Variants in THSD7B observed in about 807,000 individuals in gnomAD.
THSD7B encodes the protein thrombospondin type-1 domain-containing protein 7B.
A neutral mutation model predicts 213.6 loss-of-function variants in THSD7B; 138 were observed. The ratio of observed to expected loss-of-function variants is 0.65; its 90% CI spans 0.56 to 0.74. The LOEUF (loss-of-function observed/expected upper bound fraction) is 0.74, where lower values mean the gene tolerates loss of function less well. THSD7B is among the 30% of genes least tolerant of loss of function. The pLI, the probability that THSD7B is intolerant of heterozygous loss-of-function variation, is 0.00. For missense variants in THSD7B, 1,931 were observed against 1,991.5 expected, an observed-to-expected ratio of 0.97 and a Z score of 0.58; for synonymous variants, 742 against 687.0, an observed-to-expected ratio of 1.08 and a Z score of -1.25.
intron 2 of THSD7B, among the ~76,000 whole-genome samples, chr2:136,934,843 G>C (rs2105052762): frequency 6.6e-6 from 1 of 152,080 alleles, no homozygotes. Context: ...TAATTATTTT[G>C]ACCTATCTTA....
chr2:137,046,164 C>G lies in THSD7B; in HGVS notation c.140-10256C>G, dbSNP rs531667726. ...ATGTGCAATATTAATTAGACCCTAA[C>G]TGTATGCCTAGTGCTGGGCTAGTAC... On this transcript the variant is annotated intron_variant, in intron 2 of 27. Coordinates refer to ENST00000409968, the MANE Select transcript of THSD7B (RefSeq NM_001316349.2). Among the ~76,000 whole-genome samples the G allele has an allele frequency of 1.1e-4, 17 of 152,280 alleles. No homozygotes were observed. In the East Asian group the frequency reaches 3.3e-3, roughly 29 times the overall value.
At chr2:137,372,323 CTTTTTTTTT>C (rs55635315) in intron 12 of THSD7B, among the ~76,000 whole-genome samples, 615 of 57,572 alleles carry the variant, frequency 0.011, 8 homozygotes, top group African/African-American at 0.03. Context: ...TGATAATACT[CTTTTTTTTT>C]TTTTTTTTTT....
intron 18 of THSD7B, among the ~76,000 whole-genome samples, chr2:137,616,891 G>A (rs10496782): frequency 0.12 from 18,089 of 152,184 alleles, 1,217 homozygotes; most frequent in South Asian, 0.21. Flanking sequence ...ACATTGATCC[G>A]CTACTTGCCA....
At chr2:137,197,199 C>CA (rs1390946274) in intron 7 of THSD7B, among the ~76,000 whole-genome samples, 8 of 152,070 alleles carry the variant, frequency 5.3e-5, no homozygotes, top group East Asian at 1.9e-4. Flanking sequence ...AGATAACTGA[C>CA]AAAATCTAAA....
intron 27 of THSD7B, 150 bp from the exon 28 acceptor site, chr2:137,676,374 C>T: frequency 3.0e-6 from 2 of 661,346 alleles, no homozygotes; most frequent in Non-Finnish European, 5.0e-6. Context: ...TGAAAGCATT[C>T]AATATTCACA....
At chr2:137,222,841 G>A (rs374215815) in intron 7 of THSD7B, among the ~76,000 whole-genome samples, 6 of 152,154 alleles carry the variant, frequency 3.9e-5, no homozygotes, top group African/African-American at 1.2e-4. Flanking sequence ...GTTAGCATAA[G>A]CCTGGATCCC....
chr2:137,010,422 A>G (rs1313713417), intron 2 of THSD7B, among the ~76,000 whole-genome samples: 1 of 152,218 alleles, frequency 6.6e-6, no homozygotes, highest in Non-Finnish European at 1.5e-5. Context: ...TCTTACTAAT[A>G]AAATAACAGT....
chr2:137,389,918 A>G (rs1685981961), intron 12 of THSD7B, among the ~76,000 whole-genome samples: 1 of 152,068 alleles, frequency 6.6e-6, no homozygotes, highest in Admixed American at 6.5e-5. Flanking sequence ...ATTCTGTTTC[A>G]TTAGTGTGTG....
intron 17 of THSD7B, among the ~76,000 whole-genome samples, chr2:137,594,650 A>AT (rs1166553886): frequency 1.3e-5 from 2 of 151,840 alleles, no homozygotes; most frequent in East Asian, 1.9e-4. Flanking sequence ...TTGATAATGT[A>AT]TTTTTTCATT....
intron 21 of THSD7B, among the ~76,000 whole-genome samples, chr2:137,648,401 C>T (rs1356101535): frequency 1.3e-5 from 2 of 152,130 alleles, no homozygotes; most frequent in African/African-American, 2.4e-5. Context: ...CGTTCCTTGC[C>T]TCTGGTAACT....
intron 1 of THSD7B, among the ~76,000 whole-genome samples, chr2:136,881,824 A>G (rs1370794982): frequency 3.3e-5 from 5 of 152,172 alleles, no homozygotes; most frequent in African/African-American, 1.2e-4. Flanking sequence ...AGAATCCATG[A>G]TAATATTATC....
chr2:136,773,299 A>T (rs578096147), intron 1 of THSD7B, among the ~76,000 whole-genome samples: 1 of 152,214 alleles, frequency 6.6e-6, no homozygotes, highest in South Asian at 2.1e-4. Flanking sequence ...TATTATTATT[A>T]TTTTTATTTT....
At position 136,781,448 on chromosome 2, in the gene THSD7B, T is replaced by A. The variant is rs200200382; in HGVS notation, c.-36+15761T>A. Among the ~76,000 whole-genome samples, 23 of 94,308 alleles carry A rather than the reference T, an allele frequency of 2.4e-4. No individual in the cohort carries two copies. The South Asian group carries it at 7.9e-3, about 32-fold the overall frequency. 61.9% of individuals were successfully genotyped at this position (94,308 alleles called of 152,430 possible). The stretch of plus-strand genomic sequence containing the variant: ...CCCGGCTAATTTTTTTTTTTTTAAA[T>A]TTTTTTAGAGACACGGTTTCACCAT... On this transcript the variant is annotated intron_variant, in intron 1 of 27. Coordinates refer to ENST00000409968, the MANE Select transcript of THSD7B (RefSeq NM_001316349.2).
chr2:137,404,791 T>C (rs970400163), intron 12 of THSD7B, among the ~76,000 whole-genome samples: 2 of 151,856 alleles, frequency 1.3e-5, no homozygotes, highest in Admixed American at 6.6e-5. Flanking sequence ...CACTGATATG[T>C]GGGAACTAAG....
intron 5 of THSD7B, among the ~76,000 whole-genome samples, chr2:137,152,276 A>AT (rs1455990537): frequency 6.6e-6 from 1 of 152,128 alleles, no homozygotes; most frequent in African/African-American, 2.4e-5. Flanking sequence ...TACTGGTGAC[A>AT]TTTTTAAACC....
intron 12 of THSD7B, among the ~76,000 whole-genome samples, chr2:137,331,122 G>A (rs947166931): frequency 1.4e-5 from 2 of 139,492 alleles, no homozygotes; most frequent in African/African-American, 6.5e-5. Context: ...GCCGACTGGT[G>A]TATTTACAAT....
chr2:137,369,408 A>C (rs1046563901), intron 12 of THSD7B, among the ~76,000 whole-genome samples: 1 of 152,174 alleles, frequency 6.6e-6, no homozygotes, highest in Non-Finnish European at 1.5e-5. Flanking sequence ...GCCAGAATTC[A>C]TGTCTACTGC....
intron 14 of THSD7B, among the ~76,000 whole-genome samples, chr2:137,422,372 C>T (rs1408457078): frequency 2.6e-5 from 4 of 152,084 alleles, no homozygotes; most frequent in Non-Finnish European, 5.9e-5. Flanking sequence ...TTTGCTATAT[C>T]TTGTTCATTT....
At chr2:137,425,367 C>A (rs1234819792) in intron 14 of THSD7B, among the ~76,000 whole-genome samples, 1 of 151,868 alleles carries the variant, frequency 6.6e-6, no homozygotes, top group South Asian at 2.1e-4. Context: ...CAGGCATGCA[C>A]CACCACGCCC....
Sources: gnomAD v4.1 joint callset for allele counts (sites outside exome capture counted in the v4.1 genomes callset) on GRCh38, gnomAD v4.1.1 for gene constraint, MANE v1.5 for transcripts, NCBI Gene and HGNC (gene_info 2026-07-23, HGNC 2026-07-21) for gene names.